The following SEMA3C variants were observed in gnomAD, a reference collection of about 807,000 sequenced individuals.
The protein encoded by SEMA3C is semaphorin-3C.
Under a neutral mutation model 89.4 loss-of-function variants are expected in SEMA3C, and 47 were observed. The ratio of observed to expected loss-of-function variants is 0.53; its 90% confidence interval spans 0.42 to 0.67. The LOEUF (loss-of-function observed/expected upper bound fraction) is 0.67, where lower values mean the gene tolerates loss of function less well. Ranked by LOEUF, SEMA3C falls within the 30% of genes least tolerant of loss-of-function variation. SEMA3C has a pLI of 0.00. For synonymous variants in SEMA3C, 310 were observed against 320.2 expected (o/e 0.97, Z 0.34); for missense variants, 839 against 929.1 (o/e 0.90, Z 1.26).
chr7:80,778,117 A>G (rs1788593389), intron 12 of SEMA3C, among the ~76,000 whole-genome samples: 1 of 152,226 alleles, frequency 6.6e-6, no homozygotes, highest in Non-Finnish European at 1.5e-5. Context: ...CCATCAAAAA[A>G]TGAATTATTA....
intron 2 of SEMA3C, among the ~76,000 whole-genome samples, chr7:80,852,161 C>T (rs1041670046): frequency 3.3e-5 from 5 of 152,122 alleles, no homozygotes; most frequent in East Asian, 1.9e-4. Context: ...TGGAAGCAGA[C>T]GAACCCCTTT....
Position 80,912,415 on chromosome 7 carries a change from A to G in SEMA3C, c.103+4264T>C, listed in dbSNP as rs75342623. On this transcript the variant is annotated intron_variant, in intron 2 of 17. Transcript: ENST00000265361. ...GCAATTCTTCTCATCTTCCATTGCA[A>G]TTGTATTTTATAACAGTTTTTACCT... Among the ~76,000 whole-genome samples the G allele has an allele frequency of 7.9e-4, 120 of 152,236 alleles. 1 individual carries two copies. In the East Asian group the frequency reaches 0.021, roughly 26 times the overall value.
At chr7:80,760,380 A>T (rs1413754012) in intron 14 of SEMA3C, among the ~76,000 whole-genome samples, 1 of 152,160 alleles carries the variant, frequency 6.6e-6, no homozygotes, top group African/African-American at 2.4e-5. Flanking sequence ...CTGTAAACAA[A>T]GGGCTTCCCT....
intron 2 of SEMA3C, among the ~76,000 whole-genome samples, chr7:80,849,242 T>A (rs1258174596): frequency 1.3e-5 from 2 of 152,248 alleles, no homozygotes; most frequent in South Asian, 2.1e-4. Context: ...TTTATATAAT[T>A]TACACACAGC....
intron 2 of SEMA3C, among the ~76,000 whole-genome samples, chr7:80,875,244 C>A (rs527323013): frequency 2.6e-4 from 40 of 152,148 alleles, no homozygotes; most frequent in Middle Eastern, 3.4e-3. Flanking sequence ...GATGCTTGTC[C>A]CTGCATACAA....
chr7:80,882,245 T>G lies in SEMA3C; in HGVS notation c.103+34434A>C, dbSNP rs187614929. Among the ~76,000 whole-genome samples the G allele has an allele frequency of 3.2e-3, 487 of 152,148 alleles. 2 individuals are homozygous for G. Among genetic ancestry groups the G allele is most frequent in the African/African-American group, 0.011 (459 of 41,530 alleles). On this transcript the variant is annotated intron_variant, in intron 2 of 17. Transcript: ENST00000265361. ...AATGCCTCCACACAAAATCTCAACC[T>G]CAATTAATAAAATGAGATGTTAATA...
chr7:80,920,217 TC>T (rs201786745), upstream of SEMA3C, among the ~76,000 whole-genome samples: 113 of 152,260 alleles, frequency 7.4e-4, no homozygotes, highest in Admixed American at 2.0e-3. Context: ...AAATTACTTC[TC>T]CGGACCACAA....
chr7:80,843,394 A>T (rs1403670711), intron 2 of SEMA3C, among the ~76,000 whole-genome samples: 1 of 152,114 alleles, frequency 6.6e-6, no homozygotes, highest in Non-Finnish European at 1.5e-5. Flanking sequence ...TTTTTAGCTT[A>T]ATGCATTTTC....
intron 17 of SEMA3C, among the ~76,000 whole-genome samples, chr7:80,747,579 G>C (rs1205044905): frequency 2.6e-5 from 4 of 152,102 alleles, no homozygotes; most frequent in African/African-American, 9.7e-5. Flanking sequence ...TTCTAATGCA[G>C]CTTGCTCTGC....
At chr7:80,787,094 T>C (rs979098678) in intron 12 of SEMA3C, among the ~76,000 whole-genome samples, 31 of 152,042 alleles carry the variant, frequency 2.0e-4, no homozygotes, top group Non-Finnish European at 1.6e-4. Flanking sequence ...TGGAGTATCT[T>C]AAAAAAGGGG....
intron 9 of SEMA3C, among the ~76,000 whole-genome samples, chr7:80,802,001 T>C (rs1008974470): frequency 4.6e-5 from 7 of 152,100 alleles, no homozygotes; most frequent in Non-Finnish European, 8.8e-5. Context: ...TTATTTTACC[T>C]TCTAATGAAT....
chr7:80,789,478 T>G lies in SEMA3C; in HGVS notation c.1182A>C (p.Pro394=). 1 of 1,613,994 alleles carries G rather than the reference T, an allele frequency of 6.2e-7. No individual in the cohort carries two copies. The highest frequency in any genetic ancestry group is 8.5e-7 in the Non-Finnish European group (1 of 1,179,948). The change falls in exon 12 of 18, where the codon CCA becomes CCC. Residue 394 remains proline (P), a synonymous_variant. Transcript: ENST00000265361. The part of the protein sequence containing the change: ...TPNMRTTKEF[P]DDVVTFIRNH... ...TCCGAATAAAAGTGACAACATCATC[T>G]GGGAACTCCTTGGTGGTTCGCATAT...
chr7:80,843,861 T>C (rs1790328350), intron 2 of SEMA3C, among the ~76,000 whole-genome samples: 1 of 152,200 alleles, frequency 6.6e-6, no homozygotes, highest in South Asian at 2.1e-4. Flanking sequence ...GGAAAAGTTT[T>C]CTTACTCTTT....
intron 9 of SEMA3C, among the ~76,000 whole-genome samples, chr7:80,801,337 C>T (rs956518575): frequency 2.6e-5 from 4 of 151,916 alleles, no homozygotes; most frequent in Non-Finnish European, 5.9e-5. Context: ...CTCATCTTAC[C>T]ATCAAATAGA....
chr7:80,919,356 C>CG, upstream of SEMA3C: 3 of 985,312 alleles, frequency 3.0e-6, no homozygotes, highest in Non-Finnish European at 3.6e-6. Flanking sequence ...CAGTCCGCGG[C>CG]GGAGTGAGCA....
At chr7:80,861,983 A>C (rs940217529) in intron 2 of SEMA3C, among the ~76,000 whole-genome samples, 2 of 152,198 alleles carry the variant, frequency 1.3e-5, no homozygotes, top group African/African-American at 4.8e-5. Flanking sequence ...CACAGCCAAC[A>C]TAACACTGAA....
At chr7:80,795,422 T>G (rs903089012) in intron 11 of SEMA3C, among the ~76,000 whole-genome samples, 20 of 152,196 alleles carry the variant, frequency 1.3e-4, no homozygotes, top group African/African-American at 4.8e-4. Flanking sequence ...CAACACCAGA[T>G]GTAAGAAACC....
At chr7:80,827,928 C>G (rs1789914286) in intron 3 of SEMA3C, among the ~76,000 whole-genome samples, 1 of 152,058 alleles carries the variant, frequency 6.6e-6, no homozygotes, top group Admixed American at 6.6e-5. Flanking sequence ...CTGGGTACTT[C>G]AATAGCTAAA....
chr7:80,882,197 T>C (rs1274000335), intron 2 of SEMA3C, among the ~76,000 whole-genome samples: 1 of 152,108 alleles, frequency 6.6e-6, no homozygotes, highest in Non-Finnish European at 1.5e-5. Flanking sequence ...ACTGACTCAA[T>C]ACTGTGTGGA....
Sources: gnomAD v4.1 joint callset for allele counts (sites outside exome capture counted in the v4.1 genomes callset) on GRCh38, gnomAD v4.1.1 for gene constraint, MANE v1.5 for transcripts, NCBI Gene and HGNC (gene_info 2026-07-23, HGNC 2026-07-21) for gene names.